Variants in ABCD3 observed in about 807,000 individuals in gnomAD.
ABCD3 encodes ATP-binding cassette sub-family D member 3.
A neutral mutation model predicts 105.5 loss-of-function variants in ABCD3; 41 were observed. The ratio of observed to expected loss-of-function variants is 0.39; its 90% CI spans 0.30 to 0.50. The LOEUF is 0.50. Among genes scored for constraint, ABCD3 ranks in the 20% least tolerant of loss-of-function variants. The pLI is 0.84. For missense variants in ABCD3, 622 were observed against 806.3 expected, an observed-to-expected ratio of 0.77 and a Z score of 2.77; for synonymous variants, 258 against 269.0, an observed-to-expected ratio of 0.96 and a Z score of 0.40.
intron 2 of ABCD3, 145 bp downstream of exon 2, chr1:94,458,788 C>T (rs997851954): frequency 2.5e-6 from 2 of 784,940 alleles, no homozygotes; most frequent in Non-Finnish European, 4.2e-6. Context: ...GGAATACTCT[C>T]TGAAATAGGA....
chr1:94,389,947 T>G, the ABCD3 span, among the ~76,000 whole-genome samples: 1 of 152,228 alleles, frequency 6.6e-6, no homozygotes, highest in Non-Finnish European at 1.5e-5. Flanking sequence ...AGCCAAGATC[T>G]CTGCAGACTA....
chr1:94,396,178 C>T, the ABCD3 span, among the ~76,000 whole-genome samples: 1 of 152,128 alleles, frequency 6.6e-6, no homozygotes, highest in Non-Finnish European at 1.5e-5. Flanking sequence ...ATCCTATTTC[C>T]TCAATTACTA....
chr1:94,458,672 G>A (rs1168388303), intron 2 of ABCD3, 29 bp downstream of exon 2: 3 of 1,593,262 alleles, frequency 1.9e-6, no homozygotes, highest in Non-Finnish European at 1.7e-6. Context: ...TTCTTTTTGG[G>A]ATTTCATGCA....
chr1:94,416,849 AT>A (rs1557653950), upstream of ABCD3, among the ~76,000 whole-genome samples: 1 of 152,238 alleles, frequency 6.6e-6, no homozygotes, highest in East Asian at 1.9e-4. Flanking sequence ...GAAGGAAGGA[AT>A]GGTGCTCAGA....
the ABCD3 span, among the ~76,000 whole-genome samples, chr1:94,403,814 A>G: frequency 6.6e-6 from 1 of 152,052 alleles, no homozygotes; most frequent in Non-Finnish European, 1.5e-5. Flanking sequence ...TTCATCTTAT[A>G]CCTACCCTGC....
the ABCD3 span, among the ~76,000 whole-genome samples, chr1:94,393,473 G>T: frequency 5.3e-5 from 8 of 151,540 alleles, no homozygotes; most frequent in African/African-American, 1.9e-4. Context: ...ACCCCGTCTC[G>T]ACTAAAAATA....
At chr1:94,402,960 C>G in the ABCD3 span, among the ~76,000 whole-genome samples, 11 of 125,564 alleles carry the variant, frequency 8.8e-5, no homozygotes, top group Admixed American at 5.3e-4. Context: ...CCCCTCCCCC[C>G]ACCCCACAAC....
At chr1:94,417,771 AT>A (rs1224625390), upstream of ABCD3, among the ~76,000 whole-genome samples, 1 of 152,228 alleles carries the variant, frequency 6.6e-6, no homozygotes, top group East Asian at 1.9e-4. Context: ...TCTCAATTTT[AT>A]TAAAAACGGA....
At chr1:94,451,589 T>C (rs1470963780) in intron 1 of ABCD3, among the ~76,000 whole-genome samples, 1 of 152,210 alleles carries the variant, frequency 6.6e-6, no homozygotes, top group East Asian at 1.9e-4. Context: ...CATTGTCATG[T>C]TAATGTCTTT....
At chr1:94,438,282 T>TCACACACACACACA in intron 1 of ABCD3, among the ~76,000 whole-genome samples, 1 of 116,528 alleles carries the variant, frequency 8.6e-6, no homozygotes, top group East Asian at 2.8e-4. Flanking sequence ...CAAGACTCCA[T>TCACACACACACACA]CACACACACA....
the ABCD3 span, among the ~76,000 whole-genome samples, chr1:94,395,671 G>A: frequency 6.6e-6 from 1 of 152,174 alleles, no homozygotes; most frequent in Non-Finnish European, 1.5e-5. Context: ...CCAAAGAGAT[G>A]GCAAATGGAT....
Position 94,498,766 on chromosome 1 carries a change from T to C in ABCD3, c.1465-17T>C, listed in dbSNP as rs199961727. 440 of 1,613,644 alleles carry C rather than the reference T, an allele frequency of 2.7e-4. No homozygotes were observed. The highest frequency in any genetic ancestry group is 3.5e-4 in the Non-Finnish European group (415 of 1,179,672). On this transcript the variant is annotated splice_polypyrimidine_tract_variant and intron_variant, in intron 17 of 22. Transcript: ENST00000370214. ...TAAATTTTACAATTGTTCTTCTCCC[T>C]TCTCTCTCTTTAATAGTTATGGCCT... is the stretch of plus-strand genomic sequence containing the variant.
upstream of ABCD3, among the ~76,000 whole-genome samples, chr1:94,414,850 G>T (rs1658970088): frequency 1.3e-5 from 2 of 152,144 alleles, no homozygotes; most frequent in African/African-American, 4.8e-5. Context: ...CCCAAATTTA[G>T]TGACTTAATA....
chr1:94,462,152 A>G (rs776055786), intron 2 of ABCD3, among the ~76,000 whole-genome samples: 3 of 152,184 alleles, frequency 2.0e-5, no homozygotes, highest in Non-Finnish European at 4.4e-5. Flanking sequence ...TGCTTTTTCT[A>G]TAATGTTCAT....
chr1:94,400,449 G>A, the ABCD3 span, among the ~76,000 whole-genome samples: 10 of 152,022 alleles, frequency 6.6e-5, 1 homozygote, highest in African/African-American at 2.4e-4. Flanking sequence ...GATAAAATAT[G>A]TGTCTTTGAA....
At chr1:94,466,182 G>A (rs958845001) in intron 3 of ABCD3, among the ~76,000 whole-genome samples, 4 of 152,090 alleles carry the variant, frequency 2.6e-5, no homozygotes, top group South Asian at 4.2e-4. Flanking sequence ...CCTCTTACTC[G>A]TTTTGATATA....
chr1:94,465,024 G>A (rs774211586), intron 3 of ABCD3, 151 bp downstream of exon 3: 1 of 711,736 alleles, frequency 1.4e-6, no homozygotes, highest in Non-Finnish European at 2.4e-6. Flanking sequence ...CACTTCCGGG[G>A]AGGCCTCAGG....
chr1:94,418,399 C>G lies in ABCD3; in HGVS notation c.-80C>G, dbSNP rs994602806. ...GCCCTCTGCTCTCCTCCCAGTCTCCCCCGCGCTGCGTGCAGTAAGGTAGCC... is the reference window on the plus strand; with the variant it reads ...GCCCTCTGCTCTCCTCCCAGTCTCCGCCGCGCTGCGTGCAGTAAGGTAGCC... On this transcript the variant is annotated 5_prime_UTR_variant, in exon 1 of 23. Coordinates refer to ENST00000370214, the MANE Select transcript of ABCD3 (RefSeq NM_002858.4). The G allele has an allele frequency of 2.4e-6, 3 of 1,272,736 alleles. No homozygotes were observed. The highest frequency in any genetic ancestry group is 2.0e-5 in the Admixed American group (1 of 50,464). The allele number at this position is 1,272,736 out of a possible 1,614,324, so 78.8% of individuals were successfully genotyped here.
chr1:94,413,453 T>C (rs1658951025), upstream of ABCD3, among the ~76,000 whole-genome samples: 1 of 152,168 alleles, frequency 6.6e-6, no homozygotes, highest in African/African-American at 2.4e-5. Flanking sequence ...ACATTCCTCT[T>C]TGGGACCCTG....
Sources: gnomAD v4.1 joint callset for allele counts (sites outside exome capture counted in the v4.1 genomes callset) on GRCh38, gnomAD v4.1.1 for gene constraint, MANE v1.5 for transcripts, NCBI Gene and HGNC (gene_info 2026-07-23, HGNC 2026-07-21) for gene names.